The following SLIT2 variants were observed in gnomAD, a reference collection of about 807,000 sequenced individuals.
The protein encoded by SLIT2 is slit homolog 2 protein.
A neutral mutation model predicts 185.7 loss-of-function variants in SLIT2; 41 were observed. That is an observed-to-expected ratio of 0.22 (90% confidence interval 0.17 to 0.29). The LOEUF is 0.29. Among genes scored for constraint, SLIT2 ranks in the 10% least tolerant of loss-of-function variants. The pLI, the probability that SLIT2 is intolerant of heterozygous loss-of-function variation, is 1.00. For synonymous variants in SLIT2, 693 were observed against 680.2 expected, an observed-to-expected ratio of 1.02 and a Z score of -0.29; for missense variants, 1,571 against 1,909.0, an observed-to-expected ratio of 0.82 and a Z score of 3.30.
At chr4:20,288,439 TGTGCTCTGCACGTGTG>T (rs1715485553) in intron 4 of SLIT2, among the ~76,000 whole-genome samples, 1 of 152,230 alleles carries the variant, frequency 6.6e-6, no homozygotes, top group African/African-American at 2.4e-5. Context: ...ACTGAGTGCA[TGTGCTCTGCACGTGTG>T]CATGACAATG....
intron 36 of SLIT2, 47 bp from the exon 37 acceptor site, chr4:20,618,712 CTGCATGACT>C: frequency 6.0e-6 from 9 of 1,505,590 alleles, no homozygotes; most frequent in Non-Finnish European, 8.1e-6. Flanking sequence ...CACAGTCACT[CTGCATGACT>C]TACAGTGACT....
intron 26 of SLIT2, among the ~76,000 whole-genome samples, chr4:20,566,958 C>G (rs1216126509): frequency 6.6e-6 from 1 of 151,938 alleles, no homozygotes; most frequent in Non-Finnish European, 1.5e-5. Flanking sequence ...GAAACACATC[C>G]ACATAAACTA....
At chr4:20,532,666 C>T (rs1721913569) in intron 17 of SLIT2, among the ~76,000 whole-genome samples, 1 of 152,190 alleles carries the variant, frequency 6.6e-6, no homozygotes, top group Non-Finnish European at 1.5e-5. Context: ...GAAACATCAG[C>T]ATCAGCTCAC....
intron 4 of SLIT2, among the ~76,000 whole-genome samples, chr4:20,300,458 T>C (rs1370563895): frequency 6.6e-6 from 1 of 152,178 alleles, no homozygotes; most frequent in Non-Finnish European, 1.5e-5. Context: ...TTTCATAGTT[T>C]AGAATATATA....
At chr4:20,351,666 A>T (rs1560343794) in intron 4 of SLIT2, among the ~76,000 whole-genome samples, 6 of 152,042 alleles carry the variant, frequency 3.9e-5, no homozygotes, top group Admixed American at 3.3e-4. Flanking sequence ...GGTCACATGG[A>T]GGTGGGAAGA....
chr4:20,593,479 G>T (rs1021745174), intron 30 of SLIT2, among the ~76,000 whole-genome samples: 1 of 151,992 alleles, frequency 6.6e-6, no homozygotes, highest in African/African-American at 2.4e-5. Flanking sequence ...ATTGGGGTGG[G>T]GAAAATGGGA....
intron 6 of SLIT2, among the ~76,000 whole-genome samples, chr4:20,481,236 T>C (rs540116962): frequency 6.6e-6 from 1 of 152,278 alleles, no homozygotes. Context: ...CTTTGAAATC[T>C]GCTTCCTAAG....
intron 4 of SLIT2, among the ~76,000 whole-genome samples, chr4:20,273,159 T>C (rs375261049): frequency 2.0e-5 from 3 of 152,184 alleles, no homozygotes; most frequent in East Asian, 3.9e-4. Context: ...AAGCTGTCTT[T>C]ATTTTCCTTT....
intron 33 of SLIT2, among the ~76,000 whole-genome samples, chr4:20,600,719 T>C (rs1728346068): frequency 6.6e-6 from 1 of 152,108 alleles, no homozygotes; most frequent in South Asian, 2.1e-4. Flanking sequence ...TGGTGGTGGA[T>C]CATCTAATAG....
intron 20 of SLIT2, 73 bp downstream of exon 20, chr4:20,541,692 T>A: frequency 7.7e-7 from 1 of 1,301,094 alleles, no homozygotes; most frequent in Non-Finnish European, 1.1e-6. Flanking sequence ...TGCACAAATC[T>A]ACAGCATAGT....
chr4:20,598,118 A>G, intron 32 of SLIT2, 147 bp from the exon 33 acceptor site: 2 of 649,014 alleles, frequency 3.1e-6, no homozygotes, highest in Non-Finnish European at 5.0e-6. Flanking sequence ...TCACCTTTCA[A>G]GGAATAATTT....
rs202008549 is a variant in SLIT2, at chr4:20,589,726, A to G, written c.3171A>G (p.Pro1057=). ...CQHDSKCILT[P]KGFKCDCTPG... ...ACGATTCAAAGTGCATCCTAACTCC[A>G]AAGGGATTCAAGTAAGTCAAAAGCT... Residue 1057 remains proline (P), a synonymous_variant, in exon 30 of 37, where the codon CCA becomes CCG. Coordinates refer to ENST00000504154, the MANE Select transcript of SLIT2 (RefSeq NM_004787.4). The G allele has an allele frequency of 8.6e-5, 138 of 1,613,030 alleles. No homozygotes were observed. The highest frequency in any genetic ancestry group is 1.1e-4 in the Non-Finnish European group (127 of 1,179,502).
intron 21 of SLIT2, among the ~76,000 whole-genome samples, chr4:20,544,854 G>A (rs949806123): frequency 6.6e-6 from 1 of 151,910 alleles, no homozygotes; most frequent in Admixed American, 6.6e-5. Flanking sequence ...GGAGAGTGCT[G>A]AACTATATAG....
At chr4:20,427,056 A>G (rs1728616250) in intron 4 of SLIT2, among the ~76,000 whole-genome samples, 1 of 152,176 alleles carries the variant, frequency 6.6e-6, no homozygotes, top group South Asian at 2.1e-4. Flanking sequence ...CTTAAGAAGT[A>G]TGTTTATCTC....
In SLIT2 at chr4:20,490,452, T is replaced by TGG. The variant is rs762829443; in HGVS notation, c.776-1308_776-1307insGG. 1.8e-3 allele frequency among the ~76,000 whole-genome samples: 280 copies of TGG among 152,210 alleles called. 2 individuals carry two copies. Among genetic ancestry groups the TGG allele is most frequent in the South Asian group, 7.7e-3 (37 of 4,818 alleles). On this transcript the variant is annotated intron_variant, in intron 8 of 36. Coordinates refer to ENST00000504154, the MANE Select transcript of SLIT2 (RefSeq NM_004787.4). ...ATGTGTATATATATGTGTGGGTGTG[T>TGG]GTGTATATATATATATGTATGGTTG...
intron 26 of SLIT2, among the ~76,000 whole-genome samples, chr4:20,559,785 C>G (rs1000130932): frequency 6.6e-6 from 1 of 151,854 alleles, no homozygotes. Flanking sequence ...GACTCTGATT[C>G]CAAAGCTTAC....
At chr4:20,334,004 T>C (rs1236439227) in intron 4 of SLIT2, among the ~76,000 whole-genome samples, 1 of 152,196 alleles carries the variant, frequency 6.6e-6, no homozygotes, top group Admixed American at 6.5e-5. Context: ...TGTTCAGCAA[T>C]GTTTTCTAAG....
At chr4:20,542,861 T>TGTGTGTGC (rs1206806084) in intron 21 of SLIT2, among the ~76,000 whole-genome samples, 2 of 47,972 alleles carry the variant, frequency 4.2e-5, no homozygotes, top group Non-Finnish European at 6.6e-5. Flanking sequence ...TGTGTGTGTG[T>TGTGTGTGC]GCGCTATAAG....
At chr4:20,516,438 G>C (rs1253189038) in intron 11 of SLIT2, among the ~76,000 whole-genome samples, 1 of 151,986 alleles carries the variant, frequency 6.6e-6, no homozygotes, top group Non-Finnish European at 1.5e-5. Flanking sequence ...AGTCATTCTT[G>C]GTATTTGGAT....
Sources: gnomAD v4.1 joint callset for allele counts (sites outside exome capture counted in the v4.1 genomes callset) on GRCh38, gnomAD v4.1.1 for gene constraint, MANE v1.5 for transcripts, NCBI Gene and HGNC (gene_info 2026-07-23, HGNC 2026-07-21) for gene names.